The following MRPS18A variants were observed in gnomAD, a reference collection of about 807,000 sequenced individuals.
MRPS18A encodes the protein mitochondrial ribosomal protein S18A.
MRPS18A carries 20 observed loss-of-function variants against 22.7 expected under a neutral mutation model. The ratio of observed to expected loss-of-function variants is 0.88; its 90% CI spans 0.62 to 1.28. The LOEUF is 1.28. Ranked by LOEUF, MRPS18A falls within the 50% of genes most tolerant of loss-of-function variation. The pLI, the probability that MRPS18A is intolerant of heterozygous loss-of-function variation, is 0.00. For missense variants in MRPS18A, 294 were observed against 262.6 expected (o/e 1.12, Z -0.83); for synonymous variants, 106 against 99.1 (o/e 1.07, Z -0.41).
At chr6:43,678,659 A>T in intron 2 of MRPS18A, 34 bp from the exon 3 acceptor site, 1 of 1,490,834 alleles carries the variant, frequency 6.7e-7, no homozygotes, top group Non-Finnish European at 9.4e-7. Context: ...AGTGTGAGAG[A>T]CAGGACCTGC....
At chr6:43,672,527 G>A (rs557561472) in intron 5 of MRPS18A, 24 of 436,314 alleles carry the variant, frequency 5.5e-5, no homozygotes, top group African/African-American at 3.9e-4. Context: ...GGCCCTGATA[G>A]TTCCCAGAAA....
chr6:43,680,315 C>A (rs545716444), intron 2 of MRPS18A, among the ~76,000 whole-genome samples: 3 of 152,060 alleles, frequency 2.0e-5, no homozygotes, highest in Non-Finnish European at 4.4e-5. Context: ...TAGGGGGAGA[C>A]CCAATGGACT....
chr6:43,684,614 A>G (rs1774590386), intron 1 of MRPS18A, among the ~76,000 whole-genome samples: 1 of 152,104 alleles, frequency 6.6e-6, no homozygotes, highest in Non-Finnish European at 1.5e-5. Context: ...TCTTCCCACT[A>G]GCAGGTTACT....
At position 43,673,563 on chromosome 6, in the gene MRPS18A, G is replaced by A. The variant is rs1019680906; in HGVS notation, c.446+1639C>T. On this transcript the variant is annotated intron_variant, in intron 5 of 5. Coordinates refer to ENST00000372133, the MANE Select transcript of MRPS18A (RefSeq NM_018135.4). This position sits in a 1 kb window ranked among gnomAD's most constrained non-coding sequence, Gnocchi z 4.2. ...GGGCCTGATGCCTGCGCCACACGGA[G>A]CGGCCAGCTGGCAGGGGGTGGGCCG... is the stretch of plus-strand genomic sequence containing the variant. Among the ~76,000 whole-genome samples the A allele has an allele frequency of 1.3e-5, 2 of 152,250 alleles. No homozygotes were observed. Among genetic ancestry groups the A allele is most frequent in the Admixed American group, 1.3e-4 (2 of 15,294 alleles).
chr6:43,681,186 A>G, intron 1 of MRPS18A, 66 bp from the exon 2 acceptor site: 2 of 1,516,998 alleles, frequency 1.3e-6, no homozygotes, highest in Non-Finnish European at 1.8e-6. Flanking sequence ...TTCAAATAAC[A>G]GCTCAAATTC....
chr6:43,681,107 T>C lies in MRPS18A; in HGVS notation c.126A>G (p.Gln42=), dbSNP rs746417973. The C allele has an allele frequency of 6.2e-7, 1 of 1,613,636 alleles. No individual in the cohort carries two copies. The highest frequency in any genetic ancestry group is 8.5e-7 in the Non-Finnish European group (1 of 1,179,586). Residue 42 remains glutamine (Q), a synonymous_variant, in exon 2 of 6, where the codon CAA becomes CAG. Transcript: ENST00000372133. ...ARGFREVVET[Q]EGKTTIIEGR... ...TACTTACTATAGTTGTCTTCCCTTC[T>C]TGGGTCTCCACCACTACGGAGATAA...
In MRPS18A at chr6:43,673,696, G is replaced by A. The variant is rs958154219; in HGVS notation, c.446+1506C>T. 1.3e-4 allele frequency among the ~76,000 whole-genome samples: 20 copies of A among 152,158 alleles called. No individual in the cohort carries two copies. Among genetic ancestry groups the A allele is most frequent in the African/African-American group, 4.1e-4 (17 of 41,440 alleles). On this transcript the variant is annotated intron_variant, in intron 5 of 5. Coordinates refer to ENST00000372133, the MANE Select transcript of MRPS18A (RefSeq NM_018135.4). This position sits in a 1 kb window ranked among gnomAD's most constrained non-coding sequence, Gnocchi z 4.2. ...CTCCTGAAGGGGCAGCAGGAGGAGC[G>A]ACACAGCAGCAGACAAAGCATGGCT...
intron 3 of MRPS18A, among the ~76,000 whole-genome samples, chr6:43,676,993 T>C (rs933223231): frequency 6.6e-6 from 1 of 152,176 alleles, no homozygotes; most frequent in Admixed American, 6.5e-5. Context: ...CTCAGGATAA[T>C]GGTGCTCTGA....
chr6:43,675,219 G>A lies in MRPS18A; in HGVS notation c.429C>T (p.Ser143=), dbSNP rs371004644. Reference sequence around the variant, plus strand: ...TTGCTTACCGGTTGAGTTGGGGTTTGCTCTTCGGAACAACTCCTTCAGGAA... The same window carrying A: ...TTGCTTACCGGTTGAGTTGGGGTTTACTCTTCGGAACAACTCCTTCAGGAA... The part of the protein sequence containing the change: ...PRLPEGVVPK[S]KPQLNRYLTR... Residue 143 remains serine, a synonymous_variant, in exon 5 of 6, where the codon AGC becomes AGT. Transcript: ENST00000372133. 5.3e-6 allele frequency: 8 copies of A among 1,519,338 alleles called. No homozygotes were observed. Among genetic ancestry groups the A allele is most frequent in the East Asian group, 4.6e-5 (2 of 43,930 alleles). The allele number at this position is 1,519,338 out of a possible 1,614,324, so 94.1% of individuals were successfully genotyped here. A position where few individuals can be genotyped will look rare whatever the true frequency, so the allele number is the denominator to read the frequency against.
intron 1 of MRPS18A, among the ~76,000 whole-genome samples, chr6:43,684,164 T>C (rs1262474310): frequency 6.6e-6 from 1 of 151,922 alleles, no homozygotes; most frequent in African/African-American, 2.4e-5. Context: ...GATGGCCACA[T>C]GAACAGACAC....
chr6:43,673,476 C>T lies in MRPS18A; in HGVS notation c.447-1570G>A, dbSNP rs796182179. 6.6e-5 allele frequency among the ~76,000 whole-genome samples: 10 copies of T among 152,376 alleles called. No homozygotes were observed. The highest frequency in any genetic ancestry group is 1.9e-4 in the African/African-American group (8 of 41,584). ...AAGCTGGAAAGGTTCTCCAGAGCTA[C>T]TGCCCTAAAGCTGTTCTTTCTCCCA... is the stretch of plus-strand genomic sequence containing the variant. On this transcript the variant is annotated intron_variant, in intron 5 of 5. Coordinates refer to ENST00000372133, the MANE Select transcript of MRPS18A (RefSeq NM_018135.4). This position sits in a 1 kb window ranked among gnomAD's most constrained non-coding sequence, Gnocchi z 4.2.
intron 5 of MRPS18A, among the ~76,000 whole-genome samples, chr6:43,674,537 G>C (rs776711098): frequency 2.0e-5 from 3 of 152,168 alleles, no homozygotes; most frequent in Middle Eastern, 3.2e-3. Flanking sequence ...GCTGATGCCA[G>C]AGAGGAGGGA....
chr6:43,680,699 G>A (rs1335634199), intron 2 of MRPS18A, among the ~76,000 whole-genome samples: 2 of 152,208 alleles, frequency 1.3e-5, no homozygotes, highest in Admixed American at 6.5e-5. Flanking sequence ...AGCCATTCTA[G>A]GCAGAAAAGA....
Position 43,671,669 on chromosome 6 carries a change from G to C in MRPS18A, c.*93C>G. 6.8e-7 allele frequency: 1 copy of C among 1,460,298 alleles called. No homozygotes were observed. Among genetic ancestry groups the C allele is most frequent in the Non-Finnish European group, 9.5e-7 (1 of 1,048,738 alleles). The allele number at this position is 1,460,298 out of a possible 1,614,324, so 90.5% of individuals were successfully genotyped here. A position where few individuals can be genotyped will look rare whatever the true frequency, so the allele number is the denominator to read the frequency against. On this transcript the variant is annotated 3_prime_UTR_variant, in exon 6 of 6. Transcript: ENST00000372133. Reference sequence around the variant, plus strand: ...AGGGACCAGGCCATCGTGGTGGGGTGGGACAGGAGTATAGTTGTGGCCAAG... The same window carrying C: ...AGGGACCAGGCCATCGTGGTGGGGTCGGACAGGAGTATAGTTGTGGCCAAG...
chr6:43,685,145 C>G (rs1373952450), intron 1 of MRPS18A, among the ~76,000 whole-genome samples: 2 of 152,152 alleles, frequency 1.3e-5, no homozygotes, highest in Non-Finnish European at 2.9e-5. Flanking sequence ...CTATTAAACC[C>G]CTTGGAACGG....
At chr6:43,677,285 G>A (rs1396123304) in intron 3 of MRPS18A, among the ~76,000 whole-genome samples, 1 of 152,086 alleles carries the variant, frequency 6.6e-6, no homozygotes, top group Non-Finnish European at 1.5e-5. Context: ...AGGGCCCCAG[G>A]ACAGAAAGAA....
intron 1 of MRPS18A, among the ~76,000 whole-genome samples, chr6:43,685,700 T>C (rs1774660509): frequency 6.6e-6 from 1 of 152,260 alleles, no homozygotes; most frequent in African/African-American, 2.4e-5. Context: ...CCAGCTTCTT[T>C]CCCACAACTT....
intron 1 of MRPS18A, among the ~76,000 whole-genome samples, chr6:43,686,221 C>T (rs1774688011): frequency 1.3e-5 from 2 of 152,194 alleles, no homozygotes; most frequent in Admixed American, 1.3e-4. Flanking sequence ...GCAAAATCTG[C>T]CTCAACTTTG....
chr6:43,687,525 C>A, intron 1 of MRPS18A, 143 bp downstream of exon 1: 1 of 702,650 alleles, frequency 1.4e-6, no homozygotes, highest in Non-Finnish European at 2.5e-6. Flanking sequence ...GTGGAAGGGG[C>A]TTTTAAGCAC....
Sources: gnomAD v4.1 joint callset for allele counts (sites outside exome capture counted in the v4.1 genomes callset) on GRCh38, gnomAD v4.1.1 for gene constraint, Gnocchi (gnomAD v3.1) non-coding constraint, MANE v1.5 for transcripts, NCBI Gene and HGNC (gene_info 2026-07-23, HGNC 2026-07-21) for gene names.